AK4: variants seen among roughly 807,000 people sequenced by gnomAD.
AK4 encodes adenylate kinase 4, mitochondrial.
AK4 carries 13 observed loss-of-function variants against 24.6 expected under a neutral mutation model. The ratio of observed to expected loss-of-function variants is 0.53; its 90% CI spans 0.34 to 0.84. The LOEUF is 0.84. AK4 is among the 40% of genes least tolerant of loss of function. The pLI, the probability that AK4 is intolerant of heterozygous loss-of-function variation, is 0.01. For synonymous variants in AK4, 88 were observed against 107.0 expected (o/e 0.82, Z 1.10); for missense variants, 192 against 288.2 (o/e 0.67, Z 2.42).
intron 1 of AK4, among the ~76,000 whole-genome samples, chr1:65,189,655 G>GCACACACACACA (rs71681774): frequency 7.0e-4 from 95 of 135,708 alleles, no homozygotes; most frequent in African/African-American, 2.7e-3. Context: ...ACATACGCGT[G>GCACACACACACA]CACACACACA....
At chr1:65,172,245 G>C (rs1650561561) in intron 1 of AK4, among the ~76,000 whole-genome samples, 1 of 151,526 alleles carries the variant, frequency 6.6e-6, no homozygotes, top group African/African-American at 2.4e-5. Flanking sequence ...ACTGCACCAA[G>C]TTAAAAAAGT....
intron 2 of AK4, among the ~76,000 whole-genome samples, chr1:65,215,903 G>A (rs983699159): frequency 2.0e-5 from 3 of 151,976 alleles, no homozygotes; most frequent in Admixed American, 6.6e-5. Flanking sequence ...TGCTTCCCCC[G>A]CTCCCAGCTC....
intron 3 of AK4, among the ~76,000 whole-genome samples, chr1:65,221,260 C>T (rs988272069): frequency 6.6e-6 from 1 of 152,152 alleles, no homozygotes; most frequent in Non-Finnish European, 1.5e-5. Flanking sequence ...ATGTGGAATA[C>T]ATGCCTTACT....
chr1:65,205,019 T>A (rs1054997603), intron 2 of AK4, among the ~76,000 whole-genome samples: 2 of 152,216 alleles, frequency 1.3e-5, no homozygotes, highest in South Asian at 2.1e-4. Context: ...CACTGCTGTT[T>A]AACACAGCTT....
chr1:65,148,529 G>A lies in AK4; in HGVS notation c.122G>A (p.Arg41Gln). 1.2e-6 allele frequency: 2 copies of A among 1,600,424 alleles called. No individual in the cohort carries two copies. Among genetic ancestry groups the A allele is most frequent in the Non-Finnish European group, 1.7e-6 (2 of 1,173,600 alleles). ...CATCTCTCCAGCGGCCACTTCTTGC[G>A]GGAGAACATCAAGGCCAGCACCGGT... is the stretch of plus-strand genomic sequence containing the variant. ...LQHLSSGHFL[R>Q]ENIKASTEVG... Residue 41 changes from arginine (R) to glutamine (Q), a missense_variant, in exon 1 of 5, where the codon CGG becomes CAG. Coordinates refer to ENST00000327299, the MANE Select transcript of AK4 (RefSeq NM_013410.4).
intron 1 of AK4, among the ~76,000 whole-genome samples, chr1:65,174,445 C>T (rs1650643080): frequency 6.6e-6 from 1 of 152,140 alleles, no homozygotes; most frequent in South Asian, 2.1e-4. Flanking sequence ...CCTCGAGTGT[C>T]AGGACTTATT....
intron 2 of AK4, among the ~76,000 whole-genome samples, chr1:65,209,926 G>C (rs909654167): frequency 7.2e-5 from 11 of 152,014 alleles, no homozygotes; most frequent in African/African-American, 2.2e-4. Flanking sequence ...TCCTGCCTCA[G>C]CCTCCTGAGT....
At chr1:65,217,068 G>T (rs991669065) in intron 2 of AK4, among the ~76,000 whole-genome samples, 3 of 152,192 alleles carry the variant, frequency 2.0e-5, no homozygotes, top group African/African-American at 7.2e-5. Flanking sequence ...TCCAGGGAAA[G>T]GCAGAACCTG....
At chr1:65,170,642 C>T (rs1344149844) in intron 1 of AK4, among the ~76,000 whole-genome samples, 3 of 152,110 alleles carry the variant, frequency 2.0e-5, no homozygotes, top group African/African-American at 4.8e-5. Context: ...TGCTGTTAGT[C>T]GGCGCGAGAT....
chr1:65,153,820 C>T (rs77363140), intron 1 of AK4, among the ~76,000 whole-genome samples: 3,445 of 152,100 alleles, frequency 0.023, 53 homozygotes, highest in Middle Eastern at 0.044. Context: ...CAGGTTGTTC[C>T]AGGAAGAAGG....
At chr1:65,202,508 C>T (rs4916030) in intron 2 of AK4, among the ~76,000 whole-genome samples, 58,978 of 152,036 alleles carry the variant, frequency 0.39, 11,813 homozygotes, top group East Asian at 0.67. Flanking sequence ...TCTTGACTTA[C>T]ATGTTCAGAT....
chr1:65,152,360 C>CTATATATA (rs1649812696), intron 1 of AK4, among the ~76,000 whole-genome samples: 11 of 27,950 alleles, frequency 3.9e-4, no homozygotes, highest in African/African-American at 6.7e-4. Flanking sequence ...CTCTCTCTCT[C>CTATATATA]TATATATATA....
chr1:65,221,692 A>T (rs1349904940), intron 3 of AK4, among the ~76,000 whole-genome samples: 1 of 152,262 alleles, frequency 6.6e-6, no homozygotes, highest in African/African-American at 2.4e-5. Context: ...CTGAAGTCCA[A>T]CACAGACGCT....
chr1:65,203,122 C>T (rs946273180), intron 2 of AK4, among the ~76,000 whole-genome samples: 6 of 152,070 alleles, frequency 3.9e-5, no homozygotes, highest in Non-Finnish European at 8.8e-5. Flanking sequence ...ATCCTCCTGT[C>T]TCAGCCCCTC....
At chr1:65,150,967 T>C (rs6660166) in intron 1 of AK4, among the ~76,000 whole-genome samples, 54,847 of 151,904 alleles carry the variant, frequency 0.36, 12,102 homozygotes, top group African/African-American at 0.62. Context: ...ATAACTTTTT[T>C]TTTTTGAGAC....
At chr1:65,199,241 T>C (rs1651586867) in intron 2 of AK4, among the ~76,000 whole-genome samples, 2 of 152,118 alleles carry the variant, frequency 1.3e-5, no homozygotes, top group South Asian at 4.1e-4. Context: ...TTTGTTGAGT[T>C]TGGTTTGCAT....
At chr1:65,148,028 G>A (rs1649621787), upstream of AK4, 2 of 174,124 alleles carry the variant, frequency 1.1e-5, no homozygotes, top group Non-Finnish European at 2.4e-5. Flanking sequence ...CGGACGCGGC[G>A]TGGGGAGCGA....
intron 1 of AK4, among the ~76,000 whole-genome samples, chr1:65,152,384 A>ATAT (rs1557434593): frequency 6.1e-5 from 1 of 16,446 alleles, no homozygotes; most frequent in Non-Finnish European, 1.2e-4. Flanking sequence ...ATATATATAT[A>ATAT]TTTTTTTTTT....
intron 1 of AK4, among the ~76,000 whole-genome samples, chr1:65,169,349 T>C (rs1479207553): frequency 3.3e-5 from 5 of 152,200 alleles, no homozygotes; most frequent in African/African-American, 1.2e-4. Context: ...TCCAGAACTG[T>C]ATTGATTTAT....
Sources: gnomAD v4.1 joint callset for allele counts (sites outside exome capture counted in the v4.1 genomes callset) on GRCh38, gnomAD v4.1.1 for gene constraint, MANE v1.5 for transcripts, NCBI Gene and HGNC (gene_info 2026-07-23, HGNC 2026-07-21) for gene names.